Variants in CD86 observed in about 807,000 individuals in gnomAD.
CD86 encodes CD86 molecule, also known as T-lymphocyte activation antigen CD86.
In CD86, 11 loss-of-function variants were observed where a neutral mutation model predicts 32.1. The ratio of observed to expected loss-of-function variants is 0.34; its 90% CI spans 0.22 to 0.57. The LOEUF (loss-of-function observed/expected upper bound fraction) is 0.57, where lower values mean the gene tolerates loss of function less well. Among genes scored for constraint, CD86 ranks in the 20% least tolerant of loss-of-function variants. CD86 has a pLI of 0.86. For missense variants in CD86, 359 were observed against 398.4 expected (o/e 0.90, Z 0.84); for synonymous variants, 137 against 135.3 (o/e 1.01, Z -0.09).
chr3:122,082,823 A>G (rs1366545243), intron 1 of CD86, among the ~76,000 whole-genome samples: 1 of 152,214 alleles, frequency 6.6e-6, no homozygotes. Context: ...ATTTTGTGCC[A>G]TCTGCACAGC....
chr3:122,073,769 T>C (rs2072521177), intron 1 of CD86, among the ~76,000 whole-genome samples: 1 of 152,144 alleles, frequency 6.6e-6, no homozygotes, highest in Non-Finnish European at 1.5e-5. Context: ...GGAACTGTGT[T>C]TACGGTGAAA....
At chr3:122,090,195 TA>T (rs1412993089) in intron 1 of CD86, among the ~76,000 whole-genome samples, 1 of 151,958 alleles carries the variant, frequency 6.6e-6, no homozygotes, top group African/African-American at 2.4e-5. Flanking sequence ...AAATATTTAT[TA>T]AAAAAAGAAA....
At chr3:122,095,574 G>A (rs959604527) in intron 2 of CD86, among the ~76,000 whole-genome samples, 3 of 152,150 alleles carry the variant, frequency 2.0e-5, no homozygotes, top group Non-Finnish European at 2.9e-5. Context: ...AGATATCTGC[G>A]TGGGTGGTTA....
intron 5 of CD86, among the ~76,000 whole-genome samples, chr3:122,110,343 T>G (rs1219476588): frequency 6.6e-6 from 1 of 152,212 alleles, no homozygotes; most frequent in Admixed American, 6.5e-5. Flanking sequence ...CCTAACTTTA[T>G]AATAATGCCA....
chr3:122,106,606 A>C, intron 4 of CD86, 106 bp downstream of exon 4: 1 of 975,628 alleles, frequency 1.0e-6, no homozygotes. Context: ...CAACTGGGCC[A>C]TTTTATGACG....
rs1014250581 is a variant in CD86, at chr3:122,113,589, A to G, written c.847+4181A>G. Among the ~76,000 whole-genome samples, 4 of 152,028 alleles carry G rather than the reference A, an allele frequency of 2.6e-5. No individual in the cohort carries two copies. The East Asian group carries it at 5.8e-4, about 22-fold the overall frequency. On this transcript the variant is annotated intron_variant, in intron 5 of 6. Transcript: ENST00000330540. ...GTATCTCATGGTGGTTTTAATTTGCATTTCCCTGATAGTTAGTGATATTGA... is the reference window on the plus strand; with the variant it reads ...GTATCTCATGGTGGTTTTAATTTGCGTTTCCCTGATAGTTAGTGATATTGA...
At chr3:122,062,429 C>G (rs1022253162) in intron 1 of CD86, among the ~76,000 whole-genome samples, 1 of 152,134 alleles carries the variant, frequency 6.6e-6, no homozygotes, top group African/African-American at 2.4e-5. Context: ...GTTCCAGGCA[C>G]TGTGCTAAAC....
chr3:122,083,995 C>CT (rs1182392057), intron 1 of CD86, among the ~76,000 whole-genome samples: 1 of 150,682 alleles, frequency 6.6e-6, no homozygotes, highest in Non-Finnish European at 1.5e-5. Context: ...GTATTGTATT[C>CT]TTTTTTTCTG....
chr3:122,065,919 T>C (rs1393164200), intron 1 of CD86, among the ~76,000 whole-genome samples: 1 of 151,810 alleles, frequency 6.6e-6, no homozygotes, highest in East Asian at 1.9e-4. Flanking sequence ...AAACAGAGAG[T>C]TTAGATGACA....
intron 2 of CD86, among the ~76,000 whole-genome samples, chr3:122,100,130 T>G (rs2072975924): frequency 6.6e-6 from 1 of 152,070 alleles, no homozygotes; most frequent in South Asian, 2.1e-4. Flanking sequence ...GTTGACAAGA[T>G]CAAAGAAATT....
At chr3:122,114,966 G>T (rs2073228252) in intron 5 of CD86, among the ~76,000 whole-genome samples, 1 of 152,226 alleles carries the variant, frequency 6.6e-6, no homozygotes. Context: ...CGAATGTGGG[G>T]AGGATGTCTA....
chr3:122,103,041 T>C (rs2073035384), intron 2 of CD86, among the ~76,000 whole-genome samples: 1 of 152,070 alleles, frequency 6.6e-6, no homozygotes, highest in Admixed American at 6.6e-5. Context: ...GACCAAGGAA[T>C]ATGTGGATGG....
intron 1 of CD86, among the ~76,000 whole-genome samples, chr3:122,079,208 A>G (rs1235532098): frequency 2.0e-5 from 3 of 152,214 alleles, no homozygotes; most frequent in Non-Finnish European, 4.4e-5. Context: ...ATATCAGCTG[A>G]TTAATTACCA....
chr3:122,092,313 G>A (rs1384377820), intron 2 of CD86, among the ~76,000 whole-genome samples: 2 of 152,122 alleles, frequency 1.3e-5, no homozygotes, highest in African/African-American at 2.4e-5. Context: ...GGGCCCCCTA[G>A]CAGTGTGGTC....
intron 1 of CD86, among the ~76,000 whole-genome samples, chr3:122,064,228 G>A (rs1443686359): frequency 6.6e-6 from 1 of 151,238 alleles, no homozygotes; most frequent in African/African-American, 2.4e-5. Flanking sequence ...CTGGAGCAAG[G>A]GGGAGCACCA....
intron 5 of CD86, among the ~76,000 whole-genome samples, chr3:122,112,107 C>T (rs1251661301): frequency 6.6e-6 from 1 of 152,080 alleles, no homozygotes; most frequent in Non-Finnish European, 1.5e-5. Context: ...TCAGCTTACC[C>T]ATTGGGAGAA....
chr3:122,099,952 G>A (rs1182310327), intron 2 of CD86, among the ~76,000 whole-genome samples: 4 of 152,134 alleles, frequency 2.6e-5, no homozygotes, highest in African/African-American at 9.7e-5. Context: ...AGTTGTAGAA[G>A]GAGTAAGCAA....
chr3:122,101,503 AAAAAAAAAAAATAT>A (rs1342513569), intron 2 of CD86, among the ~76,000 whole-genome samples: 10 of 40,270 alleles, frequency 2.5e-4, no homozygotes, highest in Admixed American at 8.3e-4. Context: ...CAGAAAAAAA[AAAAAAAAAAAATAT>A]ATATATATAT....
chr3:122,091,857 T>TC (rs953920794), intron 2 of CD86: 54 of 555,082 alleles, frequency 9.7e-5, no homozygotes, highest in South Asian at 2.3e-4. Flanking sequence ...GATGGAGCTC[T>TC]CCCCCCCGTG....
Sources: gnomAD v4.1 joint callset for allele counts (sites outside exome capture counted in the v4.1 genomes callset) on GRCh38, gnomAD v4.1.1 for gene constraint, MANE v1.5 for transcripts, NCBI Gene and HGNC (gene_info 2026-07-23, HGNC 2026-07-21) for gene names.